Variants in UBR1 observed in about 807,000 individuals in gnomAD.
UBR1 encodes the protein E3 ubiquitin-protein ligase UBR1.
In UBR1, 102 loss-of-function variants were observed where a neutral mutation model predicts 242.1. The observed-to-expected ratio is 0.42, with a 90% CI of 0.36 to 0.50. The LOEUF (loss-of-function observed/expected upper bound fraction) is 0.50, where lower values mean the gene tolerates loss of function less well. UBR1 is among the 20% of genes least tolerant of loss of function. The probability of loss-of-function intolerance (pLI) is 0.01; values close to 1 mark genes in which losing one functional copy is unlikely to be tolerated. For missense variants in UBR1, 1,772 were observed against 2,101.8 expected, an observed-to-expected ratio of 0.84 and a Z score of 3.07; for synonymous variants, 675 against 684.8, an observed-to-expected ratio of 0.99 and a Z score of 0.22.
At position 42,980,783 on chromosome 15, in the gene UBR1, G is replaced by C. The variant is rs189294912; in HGVS notation, c.4151-2836C>G. Among the ~76,000 whole-genome samples the C allele has an allele frequency of 1.4e-4, 22 of 152,114 alleles. No homozygotes were observed. In the East Asian group the frequency reaches 4.1e-3, roughly 28 times the overall value. Reference sequence around the variant, plus strand: ...ACCACCACACCCGGCTAAGTTTTTTGTGGAGACGGGGTTTCACCATGTTGC... The same window carrying C: ...ACCACCACACCCGGCTAAGTTTTTTCTGGAGACGGGGTTTCACCATGTTGC... On this transcript the variant is annotated intron_variant, in intron 37 of 46. Transcript: ENST00000290650.
At chr15:43,100,790 G>A (rs891035291) in intron 1 of UBR1, among the ~76,000 whole-genome samples, 3 of 152,102 alleles carry the variant, frequency 2.0e-5, no homozygotes, top group African/African-American at 7.2e-5. Context: ...AGCCGAGATC[G>A]CACCACGCAC....
rs2033231244 is a variant in UBR1 at position 43,029,848 on chromosome 15, T to G, written c.2379+96A>C. 22 of 1,476,804 alleles carry G rather than the reference T, an allele frequency of 1.5e-5. No individual in the cohort carries two copies. In the South Asian group the frequency reaches 2.1e-4, roughly 14 times the overall value. 91.5% of individuals were successfully genotyped at this position (1,476,804 alleles called of 1,614,324 possible). ...CATCTATAAGGTAATGATATAGGAC[T>G]TTTTGCCTAAAATTTTGAAGTAGTT... On this transcript the variant is annotated intron_variant, in intron 21 of 46. Transcript: ENST00000290650.
intron 3 of UBR1, among the ~76,000 whole-genome samples, chr15:43,077,801 A>G (rs1223731329): frequency 6.6e-6 from 1 of 152,148 alleles, no homozygotes; most frequent in Non-Finnish European, 1.5e-5. Context: ...TTATCCTTTC[A>G]GTGTTGTTGA....
intron 11 of UBR1, among the ~76,000 whole-genome samples, chr15:43,055,996 C>T (rs973073251): frequency 1.3e-5 from 2 of 152,174 alleles, no homozygotes; most frequent in African/African-American, 4.8e-5. Context: ...ATGCAGCACC[C>T]TCTCTCCCAA....
chr15:42,945,223 C>G lies in UBR1; in HGVS notation c.*106G>C. 1 of 1,497,066 alleles carries G rather than the reference C, an allele frequency of 6.7e-7. No homozygotes were observed. The highest frequency in any genetic ancestry group is 1.4e-5 in the African/African-American group (1 of 72,386). The allele number at this position is 1,497,066 out of a possible 1,614,324, so 92.7% of individuals were successfully genotyped here. ...GATGTAAGTGAACCTGGACATGGAGCAAAAGACCCTCCAATACTTTCCCAG... is the reference window on the plus strand; with the variant it reads ...GATGTAAGTGAACCTGGACATGGAGGAAAAGACCCTCCAATACTTTCCCAG... On this transcript the variant is annotated 3_prime_UTR_variant, in exon 47 of 47. Transcript: ENST00000290650.
chr15:43,063,061 A>G (rs912624360), intron 6 of UBR1, among the ~76,000 whole-genome samples: 2 of 152,330 alleles, frequency 1.3e-5, no homozygotes, highest in South Asian at 2.1e-4. Context: ...TTTTACTTCA[A>G]TTGGGTGTAC....
At chr15:43,090,608 C>A (rs1396825948) in intron 1 of UBR1, among the ~76,000 whole-genome samples, 2 of 151,036 alleles carry the variant, frequency 1.3e-5, no homozygotes, top group African/African-American at 4.9e-5. Context: ...TCATCAACAG[C>A]ACTAAATGAA....
At chr15:42,964,141 C>A (rs2032067351) in intron 41 of UBR1, 98 bp from the exon 42 acceptor site, 2 of 868,284 alleles carry the variant, frequency 2.3e-6, no homozygotes, top group Non-Finnish European at 3.7e-6. Context: ...TTTCTACACT[C>A]TCCTTGTAGA....
At chr15:43,008,768 C>A (rs985916693) in intron 29 of UBR1, among the ~76,000 whole-genome samples, 3 of 152,192 alleles carry the variant, frequency 2.0e-5, no homozygotes, top group Admixed American at 1.3e-4. Flanking sequence ...CAGACTCAGC[C>A]AGACTCACAT....
chr15:42,996,156 A>G (rs770889748), intron 33 of UBR1, among the ~76,000 whole-genome samples: 1 of 152,134 alleles, frequency 6.6e-6, no homozygotes, highest in Non-Finnish European at 1.5e-5. Context: ...TTCAGCCCCT[A>G]CTGATCAATT....
intron 46 of UBR1, 103 bp from the exon 47 acceptor site, chr15:42,945,573 G>T (rs1381830575): frequency 3.5e-6 from 5 of 1,439,016 alleles, no homozygotes; most frequent in Non-Finnish European, 4.8e-6. Context: ...CCTGGAGCCG[G>T]GAGGACTCAC....
At chr15:43,056,701 A>C (rs2033623836) in intron 10 of UBR1, among the ~76,000 whole-genome samples, 1 of 152,152 alleles carries the variant, frequency 6.6e-6, no homozygotes, top group African/African-American at 2.4e-5. Flanking sequence ...TAGGTTAAAA[A>C]ACAAACAAAC....
At chr15:43,059,060 A>T (rs1287634365) in intron 9 of UBR1, 25 bp downstream of exon 9, 1 of 1,577,628 alleles carries the variant, frequency 6.3e-7, no homozygotes, top group Non-Finnish European at 8.7e-7. Context: ...TTCCTGACAA[A>T]CAGCATAAGC....
intron 32 of UBR1, among the ~76,000 whole-genome samples, chr15:42,999,034 G>A (rs2094689404): frequency 1.3e-5 from 2 of 148,808 alleles, no homozygotes; most frequent in African/African-American, 4.9e-5. Flanking sequence ...TCTGCCTCCT[G>A]GGTTCAAGCG....
At chr15:43,038,302 T>C in intron 15 of UBR1, 70 bp from the exon 16 acceptor site, 3 of 1,490,414 alleles carry the variant, frequency 2.0e-6, no homozygotes, top group Middle Eastern at 1.7e-4. Flanking sequence ...ACTCATCAAG[T>C]TTAGAAACTT....
intron 29 of UBR1, 76 bp from the exon 30 acceptor site, chr15:43,007,360 A>T: frequency 8.0e-7 from 1 of 1,244,220 alleles, no homozygotes; most frequent in Non-Finnish European, 1.2e-6. Flanking sequence ...ATTTTAAGTA[A>T]CTATAGGCAA....
chr15:43,061,493 G>A (rs887214457), intron 6 of UBR1, among the ~76,000 whole-genome samples: 4 of 151,992 alleles, frequency 2.6e-5, no homozygotes, highest in Admixed American at 2.0e-4. Context: ...CCATCAGAGT[G>A]GATAAAGAAA....
chr15:42,945,519 G>A (rs1305688703), intron 46 of UBR1, 49 bp from the exon 47 acceptor site: 1 of 1,605,606 alleles, frequency 6.2e-7, no homozygotes, highest in East Asian at 2.2e-5. Context: ...TCTAGTAACT[G>A]CCACATCTTT....
At chr15:42,960,417 T>C (rs1385303635) in intron 43 of UBR1, among the ~76,000 whole-genome samples, 2 of 152,142 alleles carry the variant, frequency 1.3e-5, no homozygotes, top group Non-Finnish European at 2.9e-5. Context: ...AAAGATTCTC[T>C]TAAGAGGAAC....
Sources: allele counts gnomAD v4.1 joint callset (sites outside exome capture counted in the v4.1 genomes callset), GRCh38; gene constraint gnomAD v4.1.1; transcripts MANE v1.5; gene names NCBI Gene and HGNC (gene_info 2026-07-23, HGNC 2026-07-21).